Variants in ABHD12 observed in about 807,000 individuals in gnomAD.
ABHD12 encodes the protein lysophosphatidylserine lipase ABHD12.
In ABHD12, 43 loss-of-function variants were observed where a neutral mutation model predicts 58.3. The ratio of observed to expected loss-of-function variants is 0.74; its 90% CI spans 0.58 to 0.95. ABHD12 has a LOEUF of 0.95. Ranked by LOEUF, ABHD12 falls within the 40% of genes least tolerant of loss-of-function variation. ABHD12 has a pLI of 0.00. For synonymous variants in ABHD12, 219 were observed against 211.2 expected, an observed-to-expected ratio of 1.04 and a Z score of -0.32; for missense variants, 539 against 537.2, an observed-to-expected ratio of 1.00 and a Z score of -0.03.
chr20:25,363,769 G>A (rs2089784208), intron 1 of ABHD12, among the ~76,000 whole-genome samples: 1 of 152,060 alleles, frequency 6.6e-6, no homozygotes, highest in Non-Finnish European at 1.5e-5. Context: ...GGAGGCTGAG[G>A]CAGCAGAATC....
intron 1 of ABHD12, among the ~76,000 whole-genome samples, chr20:25,382,323 C>T (rs186019116): frequency 6.6e-6 from 1 of 152,056 alleles, no homozygotes; most frequent in East Asian, 1.9e-4. Flanking sequence ...ACTCTAGACG[C>T]TGGCTCTCGG....
downstream of ABHD12, among the ~76,000 whole-genome samples, chr20:25,299,528 G>C (rs1183317539): frequency 1.3e-5 from 2 of 152,028 alleles, no homozygotes; most frequent in African/African-American, 4.8e-5. Flanking sequence ...ATGAAGGCCA[G>C]CCCAGGTAGA....
intron 2 of ABHD12, among the ~76,000 whole-genome samples, chr20:25,338,543 G>A (rs995608549): frequency 1.3e-5 from 2 of 152,086 alleles, no homozygotes; most frequent in African/African-American, 4.8e-5. Flanking sequence ...GACCTCATGG[G>A]CTTGATACTT....
intron 1 of ABHD12, among the ~76,000 whole-genome samples, chr20:25,366,989 G>A (rs1038253205): frequency 1.3e-4 from 20 of 151,990 alleles, no homozygotes; most frequent in Admixed American, 1.2e-3. Context: ...CCCTTGGTAC[G>A]AGATCTCTGT....
chr20:25,318,102 A>C (rs1001876219), intron 4 of ABHD12, among the ~76,000 whole-genome samples: 2 of 152,186 alleles, frequency 1.3e-5, no homozygotes, highest in African/African-American at 4.8e-5. Context: ...AGATCACTTG[A>C]GCTCAGGAGT....
chr20:25,296,013 T>C (rs2088537174), downstream of ABHD12, among the ~76,000 whole-genome samples: 1 of 152,162 alleles, frequency 6.6e-6, no homozygotes, highest in Admixed American at 6.5e-5. Context: ...GTGGCAGCTG[T>C]GAGGCTCCCT....
chr20:25,308,452 C>T lies in ABHD12; in HGVS notation c.787+5G>A. 6.2e-7 allele frequency: 1 copy of T among 1,611,334 alleles called. No homozygotes were observed. The highest frequency in any genetic ancestry group is 1.8e-4 in the Middle Eastern group (1 of 5,686). On this transcript the variant is annotated splice_donor_5th_base_variant and intron_variant, in intron 8 of 12. Transcript: ENST00000339157. The stretch of plus-strand genomic sequence containing the variant: ...GCCACGGCTGGGGCCCAACAAGGCA[C>T]TCACCTCGCTCACAGAGGCGCCGCA...
chr20:25,390,823 C>T lies in ABHD12; in HGVS notation c.-120G>A, dbSNP rs2090167580. 8 of 627,634 alleles carry T rather than the reference C, an allele frequency of 1.3e-5. No individual in the cohort carries two copies. Among genetic ancestry groups the T allele is most frequent in the Middle Eastern group, 5.7e-4 (1 of 1,742 alleles). 38.9% of individuals were successfully genotyped at this position (627,634 alleles called of 1,614,324 possible). The stretch of plus-strand genomic sequence containing the variant: ...GAACCCGCCGCTCCTCACATCCCAG[C>T]CCAGGCCGCTGCGCCGGCTACGAAC... On this transcript the variant is annotated 5_prime_UTR_variant, in exon 1 of 13. Transcript: ENST00000339157.
intron 1 of ABHD12, chr20:25,339,880 T>C (rs1173869252): frequency 2.6e-6 from 2 of 771,734 alleles, no homozygotes; most frequent in East Asian, 6.9e-5. Context: ...TGTCCTTGCA[T>C]TTACGCGTGG....
chr20:25,308,344 A>C, intron 8 of ABHD12, 113 bp downstream of exon 8: 1 of 1,395,338 alleles, frequency 7.2e-7, no homozygotes, highest in Non-Finnish European at 9.9e-7. Context: ...CGGGCCCCCC[A>C]GAATGTGCAG....
chr20:25,352,510 G>A lies in ABHD12; in HGVS notation c.192-13159C>T, dbSNP rs369280479. Among the ~76,000 whole-genome samples, 57 of 151,496 alleles carry A rather than the reference G, an allele frequency of 3.8e-4. No individual in the cohort carries two copies. The South Asian group carries it at 5.4e-3, about 14-fold the overall frequency. ...TCACCATGTTGGCCAGGCTGGTCTC[G>A]AACTCCTGACCTCAGGTGATCTACC... On this transcript the variant is annotated intron_variant, in intron 1 of 12. Transcript: ENST00000339157.
At chr20:25,390,476 G>GCCCCCCCCCCCC (rs773039836) in intron 1 of ABHD12, 37 bp downstream of exon 1, 64 of 1,034,856 alleles carry the variant, frequency 6.2e-5, no homozygotes, top group South Asian at 2.1e-4. Flanking sequence ...GTGAGGGACC[G>GCCCCCCCCCCCC]GCCCCCCCCC....
intron 6 of ABHD12, among the ~76,000 whole-genome samples, chr20:25,311,612 G>A (rs2088850522): frequency 6.6e-6 from 1 of 152,210 alleles, no homozygotes; most frequent in African/African-American, 2.4e-5. Flanking sequence ...TCTGAGGATA[G>A]ACACGCCACC....
At position 25,390,616 on chromosome 20, in the gene ABHD12, G is replaced by C. The variant is rs981714159; in HGVS notation, c.88C>G (p.Leu30Val). The C allele has an allele frequency of 7.5e-6, 11 of 1,462,434 alleles. No homozygotes were observed. The African/African-American group carries it at 1.5e-4, about 20-fold the overall frequency. The allele number at this position is 1,462,434 out of a possible 1,614,324, so 90.6% of individuals were successfully genotyped here. ...TGCTTCAGGCGGCAGTCGGCGTCCAGCGCCGCGGCGGCCGAGCCGGAGGAG... is the reference window on the plus strand; with the variant it reads ...TGCTTCAGGCGGCAGTCGGCGTCCACCGCCGCGGCGGCCGAGCCGGAGGAG... Reference protein sequence around the residue: ...SSSSGSAAAALDADCRLKQNL... With the variant: ...SSSSGSAAAAVDADCRLKQNL... Residue 30 changes from leucine (L) to valine (V), a missense_variant, in exon 1 of 13, where the codon CTG becomes GTG. By Grantham distance (32) the Leu-to-Val change is conservative (BLOSUM62 1). Coordinates refer to ENST00000339157, the MANE Select transcript of ABHD12 (RefSeq NM_001042472.3).
downstream of ABHD12, among the ~76,000 whole-genome samples, chr20:25,295,870 A>G (rs901575487): frequency 6.6e-6 from 1 of 152,214 alleles, no homozygotes; most frequent in African/African-American, 2.4e-5. Context: ...GTTGAAAAAA[A>G]CAGCTCCTAA....
At chr20:25,312,990 A>C (rs1425814445) in intron 6 of ABHD12, among the ~76,000 whole-genome samples, 1 of 131,014 alleles carries the variant, frequency 7.6e-6, no homozygotes, top group Middle Eastern at 5.6e-3. Context: ...CCGGCCAGCC[A>C]CCCCGTCTGG....
In ABHD12 at chr20:25,300,326, G is replaced by C; in HGVS notation, c.*519C>G. The C allele has an allele frequency of 9.7e-7, 1 of 1,033,964 alleles. No homozygotes were observed. Among genetic ancestry groups the C allele is most frequent in the Non-Finnish European group, 1.2e-6 (1 of 858,866 alleles). 64.0% of individuals were successfully genotyped at this position (1,033,964 alleles called of 1,614,324 possible). On this transcript the variant is annotated 3_prime_UTR_variant, in exon 13 of 13. Transcript: ENST00000339157. ...TCCCGGGCACTTCCACTGTGGGTGA[G>C]TGGGCCAGCCCAGGGGAGGTGGGGC...
rs1172414710 is a variant in ABHD12, at chr20:25,390,659, G to C, written c.45C>G (p.Cys15Trp). Residue 15 changes from cysteine (C) to tryptophan (W), a missense_variant, in exon 1 of 13, where the codon TGC (cysteine) becomes TGG (tryptophan). Cys to Trp is a radical substitution (Grantham distance 215). Transcript: ENST00000339157. ...CGGAGGAGGACGAGCCCGCGGCGGC[G>C]CAGCGCTCATGCTCCAAGGCGACGG... is the stretch of plus-strand genomic sequence containing the variant. ...TEPVALEHERCAAAGSSSSGS... is the reference protein window; with the variant it reads ...TEPVALEHERWAAAGSSSSGS... The C allele has an allele frequency of 1.4e-6, 2 of 1,440,446 alleles. No homozygotes were observed. The highest frequency in any genetic ancestry group is 3.0e-5 in the African/African-American group (2 of 67,176). 89.2% of individuals were successfully genotyped at this position (1,440,446 alleles called of 1,614,324 possible).
intron 3 of ABHD12, among the ~76,000 whole-genome samples, chr20:25,322,689 G>A (rs2089102317): frequency 6.9e-6 from 1 of 145,318 alleles, no homozygotes; most frequent in Non-Finnish European, 1.5e-5. Context: ...CTGGATGGAA[G>A]ATATATTCAA....
Sources: allele counts gnomAD v4.1 joint callset (sites outside exome capture counted in the v4.1 genomes callset), GRCh38; gene constraint gnomAD v4.1.1; transcripts MANE v1.5; gene names NCBI Gene and HGNC (gene_info 2026-07-23, HGNC 2026-07-21).